The following CTCF variants were observed in gnomAD, a reference collection of about 807,000 sequenced individuals.
CTCF encodes transcriptional repressor CTCF.
A neutral mutation model predicts 72.3 loss-of-function variants in CTCF; 7 were observed. That is an observed-to-expected ratio of 0.10 (90% CI 0.06 to 0.18). The LOEUF is 0.18. Among genes scored for constraint, CTCF ranks in the 10% least tolerant of loss-of-function variants. The probability of loss-of-function intolerance (pLI) is 1.00; values close to 1 mark genes in which losing one functional copy is unlikely to be tolerated. For synonymous variants in CTCF, 374 were observed against 315.8 expected, an observed-to-expected ratio of 1.18 and a Z score of -1.95; for missense variants, 516 against 949.1, an observed-to-expected ratio of 0.54 and a Z score of 6.00.
At chr16:67,615,106 C>T (rs1035514659) in intron 4 of CTCF, 1 of 152,234 alleles carries the variant, frequency 6.6e-6, no homozygotes, top group African/African-American at 2.4e-5. Context: ...CATGCTACTG[C>T]ACTACAACCT....
At chr16:67,584,511 A>G (rs1028871094) in intron 2 of CTCF, among the ~76,000 whole-genome samples, 1 of 151,648 alleles carries the variant, frequency 6.6e-6, no homozygotes, top group Non-Finnish European at 1.5e-5. Flanking sequence ...TACTTTTAGT[A>G]GAGACAGGGT....
chr16:67,574,804 G>A (rs1018572879), intron 2 of CTCF, among the ~76,000 whole-genome samples: 8 of 151,274 alleles, frequency 5.3e-5, no homozygotes, highest in African/African-American at 1.9e-4. Context: ...GACTACATGC[G>A]CCCACCACCA....
chr16:67,625,903 G>T (rs2142860946), intron 7 of CTCF, among the ~76,000 whole-genome samples: 1 of 141,050 alleles, frequency 7.1e-6, no homozygotes, highest in South Asian at 2.2e-4. Flanking sequence ...ACAGCTACCT[G>T]GTTTTCCAGG....
chr16:67,606,756 G>GTTTTT (rs796220502), intron 2 of CTCF, among the ~76,000 whole-genome samples: 2 of 124,472 alleles, frequency 1.6e-5, no homozygotes, highest in African/African-American at 3.1e-5. Flanking sequence ...TTTGTTTTGG[G>GTTTTT]TTTTTTTTTT....
chr16:67,624,257 A>G (rs1184512694), intron 7 of CTCF, among the ~76,000 whole-genome samples: 3 of 151,634 alleles, frequency 2.0e-5, no homozygotes, highest in South Asian at 2.1e-4. Flanking sequence ...GCCTTTATGA[A>G]GAGTTAACAT....
intron 1 of CTCF, among the ~76,000 whole-genome samples, chr16:67,567,158 G>C (rs987216263): frequency 2.6e-5 from 4 of 152,118 alleles, no homozygotes; most frequent in Non-Finnish European, 5.9e-5. Context: ...TTAAACACCT[G>C]TAAACTTTCT....
chr16:67,589,358 C>T (rs1247808012), intron 2 of CTCF, among the ~76,000 whole-genome samples: 7 of 152,120 alleles, frequency 4.6e-5, no homozygotes, highest in Non-Finnish European at 1.0e-4. Context: ...TACAGTTCCA[C>T]TCAGTTACAT....
chr16:67,592,182 C>T (rs866446888), intron 2 of CTCF, among the ~76,000 whole-genome samples: 10 of 152,104 alleles, frequency 6.6e-5, no homozygotes, highest in Middle Eastern at 3.4e-3. Flanking sequence ...GAGGATGAGG[C>T]GGGCACATCA....
chr16:67,575,234 C>T (rs1055054641), intron 2 of CTCF, among the ~76,000 whole-genome samples: 1 of 152,110 alleles, frequency 6.6e-6, no homozygotes, highest in Non-Finnish European at 1.5e-5. Flanking sequence ...GCCTGGGTGA[C>T]AGAGTAAGAC....
chr16:67,636,794 G>C lies in CTCF; in HGVS notation c.1942G>C (p.Ala648Pro), dbSNP rs749826586. 6.2e-7 allele frequency: 1 copy of C among 1,601,424 alleles called. No individual in the cohort carries two copies. Among genetic ancestry groups the C allele is most frequent in the Non-Finnish European group, 8.5e-7 (1 of 1,173,902 alleles). ...PQPVTPAPPP[A>P]KKRRGRPPGR... ...GCCTGTGACCCCAGCCCCACCACCC[G>C]CCAAGAAGCGGAGAGGACGACCCCC... The change falls in exon 11 of 12, where the codon GCC (alanine) becomes CCC (proline). Residue 648 changes from alanine (A) to proline (P), a missense_variant. Ala to Pro is a conservative substitution (Grantham distance 27). Around this residue, in one of 7 missense-constraint regions of CTCF, gnomAD observed 157 missense variants for 172.9 expected, o/e 0.91. Coordinates refer to ENST00000264010, the MANE Select transcript of CTCF (RefSeq NM_006565.4).
At chr16:67,621,965 C>T (rs2052205337) in intron 7 of CTCF, among the ~76,000 whole-genome samples, 2 of 152,050 alleles carry the variant, frequency 1.3e-5, no homozygotes, top group Non-Finnish European at 2.9e-5. Context: ...AACGTCTGTA[C>T]TTTCTCTAGG....
At chr16:67,563,821 C>T (rs1282721710) in intron 1 of CTCF, 2 of 152,216 alleles carry the variant, frequency 1.3e-5, no homozygotes, top group Non-Finnish European at 2.9e-5. Flanking sequence ...GTACCTGATG[C>T]TCTAGGGCTA....
intron 2 of CTCF, among the ~76,000 whole-genome samples, chr16:67,595,686 G>A (rs1300922620): frequency 3.3e-5 from 5 of 152,030 alleles, no homozygotes; most frequent in African/African-American, 1.2e-4. Context: ...GCAGCGAGAA[G>A]GTAGCATATC....
chr16:67,563,796 C>A (rs1377463754), intron 1 of CTCF: 1 of 152,208 alleles, frequency 6.6e-6, no homozygotes, highest in Non-Finnish European at 1.5e-5. Flanking sequence ...TTTAAAATGT[C>A]CTCACACTAA....
intron 7 of CTCF, among the ~76,000 whole-genome samples, chr16:67,625,871 C>A (rs968744139): frequency 1.4e-5 from 2 of 138,706 alleles, no homozygotes; most frequent in Non-Finnish European, 3.1e-5. Context: ...TTCCACTATT[C>A]TTGTCTCAAT....
intron 1 of CTCF, among the ~76,000 whole-genome samples, chr16:67,569,099 A>G (rs1372720403): frequency 1.3e-5 from 2 of 152,084 alleles, no homozygotes; most frequent in Non-Finnish European, 2.9e-5. Flanking sequence ...TTGGCTTCCC[A>G]AAGTGCTGGG....
intron 7 of CTCF, among the ~76,000 whole-genome samples, chr16:67,622,394 C>CCT (rs2052213631): frequency 6.6e-6 from 1 of 151,788 alleles, no homozygotes; most frequent in Non-Finnish European, 1.5e-5. Flanking sequence ...TGAGAGCCAT[C>CCT]CTCTCCCTTA....
rs567543474 is a variant in CTCF at position 67,595,859 on chromosome 16, C to T, written c.-9-14965C>T. 9.5e-4 allele frequency among the ~76,000 whole-genome samples: 145 copies of T among 152,224 alleles called. 1 individual carries two copies. Among genetic ancestry groups the T allele is most frequent in the Non-Finnish European group, 1.6e-3 (106 of 68,006 alleles). On this transcript the variant is annotated intron_variant, in intron 2 of 11. Transcript: ENST00000264010. ...ATTAAAGCACTATTTTTGATGTCTA[C>T]GATTCACACCACCAATTACCTTCAG...
At chr16:67,608,504 A>G (rs75913045) in intron 2 of CTCF, among the ~76,000 whole-genome samples, 1 of 152,130 alleles carries the variant, frequency 6.6e-6, no homozygotes, top group African/African-American at 2.4e-5. Context: ...GTTTGGCTTC[A>G]AAAAACAAGG....
Sources: gnomAD v4.1 joint callset for allele counts (sites outside exome capture counted in the v4.1 genomes callset) on GRCh38, gnomAD v4.1.1 for gene constraint, gnomAD v4.1.1 regional missense constraint, MANE v1.5 for transcripts, NCBI Gene and HGNC (gene_info 2026-07-23, HGNC 2026-07-21) for gene names.